Variants in SP100 observed in about 807,000 individuals in gnomAD.
The protein encoded by SP100 is nuclear autoantigen Sp-100.
In SP100, 84 loss-of-function variants were observed where a neutral mutation model predicts 130.0. The ratio of observed to expected loss-of-function variants is 0.65; its 90% CI spans 0.54 to 0.77. The LOEUF (loss-of-function observed/expected upper bound fraction) is 0.77. SP100 is among the 30% of genes least tolerant of loss of function. The probability of loss-of-function intolerance (pLI) is 0.00; values close to 1 mark genes in which losing one functional copy is unlikely to be tolerated. For synonymous variants in SP100, 331 were observed against 351.7 expected (o/e 0.94, Z 0.66); for missense variants, 978 against 1,052.2 (o/e 0.93, Z 0.97).
intron 2 of SP100, among the ~76,000 whole-genome samples, chr2:230,423,075 T>A (rs1457966206): frequency 6.6e-6 from 1 of 152,224 alleles, no homozygotes; most frequent in Non-Finnish European, 1.5e-5. Context: ...ACATCATCTG[T>A]TCCTTGAAAG....
chr2:230,486,990 G>A (rs1006116955), intron 17 of SP100, among the ~76,000 whole-genome samples: 14 of 152,166 alleles, frequency 9.2e-5, no homozygotes, highest in African/African-American at 3.1e-4. Context: ...AGAAGTGTCT[G>A]TTCATATCCT....
chr2:230,537,559 AC>A (rs1691994833), intron 24 of SP100: 1 of 152,114 alleles, frequency 6.6e-6, no homozygotes, highest in Non-Finnish European at 1.5e-5. Flanking sequence ...GGAAGTCCTC[AC>A]CCCTTTTCAA....
At chr2:230,479,684 C>T (rs1198576528) in intron 17 of SP100, among the ~76,000 whole-genome samples, 5 of 152,226 alleles carry the variant, frequency 3.3e-5, no homozygotes, top group Admixed American at 1.3e-4. Flanking sequence ...AGATTTAAAG[C>T]GATCCCCCAA....
chr2:230,506,515 G>C lies in SP100; in HGVS notation c.2013+70G>C, dbSNP rs1690114589. The C allele has an allele frequency of 4.0e-6, 6 of 1,503,104 alleles. No individual in the cohort carries two copies. The South Asian group carries it at 7.2e-5, about 18-fold the overall frequency. The allele number at this position is 1,503,104 out of a possible 1,614,324, so 93.1% of individuals were successfully genotyped here. ...GCTTCACTAACACCAAGCTTTAGCA[G>C]AATTTCTCAGTGCCCAGAAATTCAT... On this transcript the variant is annotated intron_variant, in intron 22 of 28. Transcript: ENST00000340126.
At chr2:230,452,688 A>T (rs1400123090) in intron 8 of SP100, among the ~76,000 whole-genome samples, 1 of 151,926 alleles carries the variant, frequency 6.6e-6, no homozygotes, top group Admixed American at 6.6e-5. Context: ...TGTTGCAGTT[A>T]TTGTAAATTG....
Position 230,541,251 on chromosome 2 carries a change from T to A in SP100, c.2332-50T>A, listed in dbSNP as rs111955132. On this transcript the variant is annotated intron_variant, in intron 26 of 28. Transcript: ENST00000340126. ...GTTCTCTTTGGGCAAGCATATGAGC[T>A]CTTTCTCTCTAAATTGCATTTAATT... 9.4e-4 allele frequency: 1,447 copies of A among 1,541,082 alleles called. 20 individuals are homozygous for A. In the African/African-American group the frequency reaches 0.017, roughly 19 times the overall value.
intron 24 of SP100, among the ~76,000 whole-genome samples, chr2:230,536,549 G>A (rs1352657494): frequency 2.0e-5 from 3 of 152,170 alleles, no homozygotes; most frequent in Admixed American, 6.5e-5. Context: ...TTTGGACAAT[G>A]AGATGCCAAA....
Position 230,543,542 on chromosome 2 carries a change from G to A in SP100, c.*596G>A, listed in dbSNP as rs1051670560. On this transcript the variant is annotated 3_prime_UTR_variant, in exon 29 of 29. Transcript: ENST00000340126. ...GCCAAGCCAAGAGCCAAATCAGGAAGGCAATCTCATTCACAATTGCCACTA... is the reference window on the plus strand; with the variant it reads ...GCCAAGCCAAGAGCCAAATCAGGAAAGCAATCTCATTCACAATTGCCACTA... 2.6e-5 allele frequency: 4 copies of A among 152,066 alleles called. No homozygotes were observed. The highest frequency in any genetic ancestry group is 9.7e-5 in the African/African-American group (4 of 41,412). The allele number at this position is 152,066 out of a possible 1,614,324, so 9.4% of individuals were successfully genotyped here.
intron 2 of SP100, among the ~76,000 whole-genome samples, chr2:230,439,264 T>C (rs2149893937): frequency 6.6e-6 from 1 of 152,316 alleles, no homozygotes; most frequent in South Asian, 2.1e-4. Flanking sequence ...TGCTTAGTCT[T>C]GCTTTGGCAA....
At chr2:230,487,176 T>C (rs906647290) in intron 17 of SP100, among the ~76,000 whole-genome samples, 3 of 152,258 alleles carry the variant, frequency 2.0e-5, no homozygotes, top group African/African-American at 7.2e-5. Flanking sequence ...TCTAGTTTAA[T>C]TAGATCCCAT....
At chr2:230,441,557 C>A (rs1269353697) in intron 2 of SP100, among the ~76,000 whole-genome samples, 5 of 152,110 alleles carry the variant, frequency 3.3e-5, no homozygotes, top group Non-Finnish European at 7.4e-5. Flanking sequence ...CACTCAACAA[C>A]AAAAATGAAC....
intron 24 of SP100, among the ~76,000 whole-genome samples, chr2:230,527,320 A>C (rs1691477332): frequency 6.6e-6 from 1 of 152,216 alleles, no homozygotes; most frequent in African/African-American, 2.4e-5. Context: ...ATATCCAGCC[A>C]AACTAAACTT....
chr2:230,422,591 C>A (rs776063614), intron 2 of SP100, among the ~76,000 whole-genome samples: 1 of 152,174 alleles, frequency 6.6e-6, no homozygotes, highest in African/African-American at 2.4e-5. Flanking sequence ...AAATTAGCTA[C>A]CATATATGCC....
chr2:230,506,495 A>G (rs762785106), intron 22 of SP100, 50 bp downstream of exon 22: 28 of 1,590,758 alleles, frequency 1.8e-5, no homozygotes, highest in Non-Finnish European at 2.1e-5. Flanking sequence ...GTCATGCTTC[A>G]CTAACACCAA....
At position 230,464,515 on chromosome 2, in the gene SP100, GCA is replaced by G. The variant is rs548762594; in HGVS notation, c.1141+368_1141+369del. On this transcript the variant is annotated intron_variant, in intron 11 of 28. Coordinates refer to ENST00000340126, the MANE Select transcript of SP100 (RefSeq NM_001080391.2). ...CTTTATATTTGATAGAGCATGATAA[GCA>G]CAGTCTTCCTTTGTTCATTGATAAT... is the stretch of plus-strand genomic sequence containing the variant. 4.0e-3 allele frequency among the ~76,000 whole-genome samples: 607 copies of G among 152,258 alleles called. 6 individuals carry two copies. The highest frequency in any genetic ancestry group is 5.3e-3 in the Non-Finnish European group (358 of 68,022).
At chr2:230,508,311 C>CATT (rs376287053) in intron 23 of SP100, 5,974 of 148,016 alleles carry the variant, frequency 0.04, 117 homozygotes, top group Middle Eastern at 0.099. Context: ...AAATGCCATA[C>CATT]TTTTTTTTTT....
intron 22 of SP100, 150 bp downstream of exon 22, chr2:230,506,595 TG>T: frequency 1.4e-6 from 1 of 692,270 alleles, no homozygotes. Context: ...CGTTCTCACC[TG>T]AACATTACGT....
intron 25 of SP100, among the ~76,000 whole-genome samples, chr2:230,539,947 G>T (rs1490741140): frequency 6.6e-6 from 1 of 152,284 alleles, no homozygotes; most frequent in East Asian, 1.9e-4. Context: ...AATTGTTAAG[G>T]CTGAGAGGAT....
chr2:230,492,658 T>C (rs6436943), intron 17 of SP100, among the ~76,000 whole-genome samples: 34,003 of 152,118 alleles, frequency 0.22, 4,974 homozygotes, highest in African/African-American at 0.42. Context: ...AGCATATGCA[T>C]TTCATATTCT....
Sources: allele counts gnomAD v4.1 joint callset (sites outside exome capture counted in the v4.1 genomes callset), GRCh38; gene constraint gnomAD v4.1.1; transcripts MANE v1.5; gene names NCBI Gene and HGNC (gene_info 2026-07-23, HGNC 2026-07-21).